The following TLL1 variants were observed in gnomAD, a reference collection of about 807,000 sequenced individuals.
The protein encoded by TLL1 is tolloid-like protein 1.
A neutral mutation model predicts 128.2 loss-of-function variants in TLL1; 49 were observed. The ratio of observed to expected loss-of-function variants is 0.38; its 90% CI spans 0.30 to 0.48. TLL1 has a LOEUF of 0.48. TLL1 is among the 20% of genes least tolerant of loss of function. The pLI is 0.96. For synonymous variants in TLL1, 454 were observed against 418.8 expected (o/e 1.08, Z -1.03); for missense variants, 1,123 against 1,242.0 (o/e 0.90, Z 1.44).
chr4:165,943,632 T>C (rs1310543795), intron 1 of TLL1, among the ~76,000 whole-genome samples: 2 of 152,038 alleles, frequency 1.3e-5, no homozygotes, highest in African/African-American at 4.8e-5. Flanking sequence ...TTGGAAATTG[T>C]TTCCTATCGT....
intron 5 of TLL1, 82 bp downstream of exon 5, chr4:165,995,260 TTTC>T: frequency 9.6e-7 from 1 of 1,041,912 alleles, no homozygotes; most frequent in East Asian, 2.4e-5. Flanking sequence ...GTAAGATTTA[TTTC>T]TTAAGATTTG....
intron 1 of TLL1, among the ~76,000 whole-genome samples, chr4:165,949,319 T>G (rs1001851831): frequency 1.3e-4 from 20 of 152,170 alleles, no homozygotes; most frequent in South Asian, 4.1e-4. Flanking sequence ...TAGAAGCCGA[T>G]TTTTTCCAGA....
rs1015730178 is a variant in TLL1 at position 165,998,672 on chromosome 4, T to C, written c.632+3494T>C. On this transcript the variant is annotated intron_variant, in intron 5 of 20. Transcript: ENST00000061240. ...ATTAGCCGGGCGTGGTGGCGGGTGC[T>C]TGTAGTCCCAGCTACTCGGGAGGCT... 9.2e-5 allele frequency among the ~76,000 whole-genome samples: 14 copies of C among 151,662 alleles called. No individual in the cohort carries two copies. In the South Asian group the frequency reaches 1.2e-3, roughly 14 times the overall value.
chr4:166,060,271 TGTA>T, intron 15 of TLL1, 83 bp downstream of exon 15: 1 of 1,293,926 alleles, frequency 7.7e-7, no homozygotes, highest in East Asian at 2.4e-5. Context: ...AAAAAAAAGA[TGTA>T]GTAAAATAGT....
chr4:165,884,735 C>T (rs1731097716), intron 1 of TLL1, among the ~76,000 whole-genome samples: 1 of 152,152 alleles, frequency 6.6e-6, no homozygotes, highest in African/African-American at 2.4e-5. Flanking sequence ...ACTCTGGAGG[C>T]TGATGCAGGA....
chr4:165,879,498 A>T (rs936075908), intron 1 of TLL1, among the ~76,000 whole-genome samples: 16 of 152,166 alleles, frequency 1.1e-4, no homozygotes, highest in African/African-American at 3.4e-4. Flanking sequence ...TACAGAAAAG[A>T]GGTTAGCCTT....
At chr4:165,917,446 A>G (rs1229958154) in intron 1 of TLL1, among the ~76,000 whole-genome samples, 2 of 152,180 alleles carry the variant, frequency 1.3e-5, no homozygotes, top group African/African-American at 4.8e-5. Context: ...AAATGGGAAT[A>G]ATACTAGTAT....
intron 1 of TLL1, among the ~76,000 whole-genome samples, chr4:165,939,833 T>C (rs368193481): frequency 2.6e-5 from 4 of 152,178 alleles, no homozygotes; most frequent in African/African-American, 9.6e-5. Flanking sequence ...AATCTTGAAA[T>C]GGGAAGTCTA....
chr4:166,016,847 C>A (rs190699543), intron 8 of TLL1, among the ~76,000 whole-genome samples: 305 of 151,654 alleles, frequency 2.0e-3, no homozygotes, highest in African/African-American at 7.2e-3. Context: ...ATATAGATAT[C>A]TATTTCTCTC....
chr4:165,972,563 G>T (rs1432617547), intron 1 of TLL1, among the ~76,000 whole-genome samples: 5 of 152,094 alleles, frequency 3.3e-5, no homozygotes, highest in African/African-American at 1.2e-4. Context: ...CCATTCTTTT[G>T]ATTGTACACC....
At chr4:165,922,790 A>G (rs1007743438) in intron 1 of TLL1, among the ~76,000 whole-genome samples, 1 of 152,220 alleles carries the variant, frequency 6.6e-6, no homozygotes, top group African/African-American at 2.4e-5. Context: ...CTCAGAATTT[A>G]TATGTATGTA....
intron 1 of TLL1, among the ~76,000 whole-genome samples, chr4:165,971,494 C>A (rs1000003645): frequency 6.6e-6 from 1 of 152,182 alleles, no homozygotes; most frequent in Non-Finnish European, 1.5e-5. Flanking sequence ...ATCTTGCCTG[C>A]TGATTTTTTT....
At chr4:166,030,905 T>C (rs866970973) in intron 9 of TLL1, 3 of 983,256 alleles carry the variant, frequency 3.1e-6, no homozygotes, top group Non-Finnish European at 3.6e-6. Flanking sequence ...ATAGTTTCAC[T>C]GGATATAGTT....
At chr4:165,948,083 C>T (rs933888650) in intron 1 of TLL1, among the ~76,000 whole-genome samples, 1 of 152,116 alleles carries the variant, frequency 6.6e-6, no homozygotes, top group African/African-American at 2.4e-5. Flanking sequence ...AGCTGTGATC[C>T]ACAGAGGAGT....
chr4:165,992,818 C>G lies in TLL1; in HGVS notation c.295C>G (p.His99Asp), dbSNP rs771749988. 7 of 1,613,014 alleles carry G rather than the reference C, an allele frequency of 4.3e-6. No homozygotes were observed. In the East Asian group the frequency reaches 1.3e-4, roughly 31 times the overall value. Residue 99 changes from histidine to aspartate, a missense_variant, in exon 3 of 21, where the codon CAT becomes GAT. Coordinates refer to ENST00000061240, the MANE Select transcript of TLL1 (RefSeq NM_012464.5). The stretch of plus-strand genomic sequence containing the variant: ...TATTCTTTAAGGTGGACTTGGAGAC[C>G]ATGCTATGTCAAAGAAGCGAGGGGC... ...LGHTTGGLGDHAMSKKRGALY... is the reference protein window; with the variant it reads ...LGHTTGGLGDDAMSKKRGALY...
At chr4:166,062,140 G>A (rs375681531) in intron 15 of TLL1, among the ~76,000 whole-genome samples, 1 of 152,178 alleles carries the variant, frequency 6.6e-6, no homozygotes, top group Non-Finnish European at 1.5e-5. Context: ...ATAGTTTGAA[G>A]TCAGGTAGCA....
intron 17 of TLL1, 88 bp from the exon 18 acceptor site, chr4:166,077,815 C>G: frequency 3.8e-6 from 6 of 1,583,490 alleles, no homozygotes; most frequent in Non-Finnish European, 5.2e-6. Context: ...AATCTTTCAA[C>G]AGGGCAGTGG....
intron 18 of TLL1, 61 bp from the exon 19 acceptor site, chr4:166,091,067 A>T: frequency 2.1e-6 from 3 of 1,448,428 alleles, no homozygotes; most frequent in Non-Finnish European, 2.8e-6. Context: ...TGTCCCAAAA[A>T]TTATCTCATT....
chr4:165,957,805 G>T (rs578124557), intron 1 of TLL1, among the ~76,000 whole-genome samples: 5 of 149,458 alleles, frequency 3.3e-5, no homozygotes, highest in African/African-American at 1.2e-4. Flanking sequence ...CTGGTGTGCC[G>T]CACCCATTAA....
Sources: allele counts gnomAD v4.1 joint callset (sites outside exome capture counted in the v4.1 genomes callset), GRCh38; gene constraint gnomAD v4.1.1; transcripts MANE v1.5; gene names NCBI Gene and HGNC (gene_info 2026-07-23, HGNC 2026-07-21).